SCHIP1: variants seen among roughly 807,000 people sequenced by gnomAD.
The protein encoded by SCHIP1 is schwannomin-interacting protein 1.
A neutral mutation model predicts 29.7 loss-of-function variants in SCHIP1; 8 were observed. The observed-to-expected ratio is 0.27, with a 90% confidence interval of 0.16 to 0.49. The LOEUF (loss-of-function observed/expected upper bound fraction) is 0.49, where lower values mean the gene tolerates loss of function less well. Among genes scored for constraint, SCHIP1 ranks in the 20% least tolerant of loss-of-function variants. The pLI, the probability that SCHIP1 is intolerant of heterozygous loss-of-function variation, is 0.99. For missense variants in SCHIP1, 193 were observed against 294.6 expected, an observed-to-expected ratio of 0.66 and a Z score of 2.52; for synonymous variants, 76 against 94.9, an observed-to-expected ratio of 0.80 and a Z score of 1.16.
chr3:159,677,478 C>T, the SCHIP1 span, among the ~76,000 whole-genome samples: 2 of 152,170 alleles, frequency 1.3e-5, no homozygotes, highest in African/African-American at 4.8e-5. Context: ...TCTTGCACAG[C>T]CATGTTCTGG....
At chr3:159,385,678 A>T in the SCHIP1 span, among the ~76,000 whole-genome samples, 1 of 152,242 alleles carries the variant, frequency 6.6e-6, no homozygotes, top group Non-Finnish European at 1.5e-5. Context: ...TCAAAAATGA[A>T]CACTTTCTTA....
At chr3:159,422,413 T>C in the SCHIP1 span, among the ~76,000 whole-genome samples, 1 of 152,220 alleles carries the variant, frequency 6.6e-6, no homozygotes, top group African/African-American at 2.4e-5. Flanking sequence ...ACTTGAAACC[T>C]AGCTAAACTA....
the SCHIP1 span, among the ~76,000 whole-genome samples, chr3:159,390,809 C>T: frequency 2.6e-5 from 4 of 151,754 alleles, no homozygotes; most frequent in African/African-American, 9.7e-5. Context: ...CTTTGTCATG[C>T]AGCCAATTCA....
the SCHIP1 span, among the ~76,000 whole-genome samples, chr3:159,671,629 G>C: frequency 3.3e-5 from 5 of 152,128 alleles, no homozygotes. Context: ...TTCTGGGCCA[G>C]CCTGTCATTT....
At chr3:159,655,903 A>G in the SCHIP1 span, among the ~76,000 whole-genome samples, 4 of 152,176 alleles carry the variant, frequency 2.6e-5, no homozygotes, top group Admixed American at 6.5e-5. Context: ...GAAAAAAAAT[A>G]AAAGTAAAGA....
chr3:159,518,899 A>G, the SCHIP1 span, among the ~76,000 whole-genome samples: 4 of 152,096 alleles, frequency 2.6e-5, no homozygotes, highest in Admixed American at 6.5e-5. Flanking sequence ...TTCAAATTAG[A>G]TTTTTCCTAG....
At chr3:159,744,834 A>T in the SCHIP1 span, among the ~76,000 whole-genome samples, 2 of 152,120 alleles carry the variant, frequency 1.3e-5, no homozygotes, top group Admixed American at 1.3e-4. Flanking sequence ...AATACAAAAA[A>T]ATTAGCTGGG....
At chr3:159,767,839 C>T in the SCHIP1 span, among the ~76,000 whole-genome samples, 4 of 152,210 alleles carry the variant, frequency 2.6e-5, no homozygotes, top group African/African-American at 9.6e-5. Flanking sequence ...TAGTGCTTGT[C>T]ACTATCTGAC....
the SCHIP1 span, among the ~76,000 whole-genome samples, chr3:159,444,729 A>C: frequency 6.6e-6 from 1 of 152,212 alleles, no homozygotes; most frequent in Non-Finnish European, 1.5e-5. Flanking sequence ...GACAACTTCT[A>C]GATAGGAAGG....
the SCHIP1 span, among the ~76,000 whole-genome samples, chr3:159,773,280 GT>G: frequency 2.6e-5 from 4 of 152,202 alleles, no homozygotes; most frequent in African/African-American, 9.7e-5. Context: ...AGTGTCAATT[GT>G]GAAATTGAGC....
At chr3:159,616,981 A>G in the SCHIP1 span, among the ~76,000 whole-genome samples, 3 of 152,374 alleles carry the variant, frequency 2.0e-5, no homozygotes, top group East Asian at 5.8e-4. Flanking sequence ...ACATGTAGCC[A>G]ATGGGTACTC....
chr3:159,507,260 A>G, the SCHIP1 span, among the ~76,000 whole-genome samples: 3 of 150,740 alleles, frequency 2.0e-5, no homozygotes, highest in African/African-American at 7.3e-5. Flanking sequence ...ATGATTTGGC[A>G]TTCTGTTTGT....
At chr3:159,464,214 A>G in the SCHIP1 span, among the ~76,000 whole-genome samples, 7 of 152,090 alleles carry the variant, frequency 4.6e-5, no homozygotes, top group Admixed American at 1.3e-4. Flanking sequence ...CTCGTTTCCT[A>G]CTCACAGCCT....
the SCHIP1 span, among the ~76,000 whole-genome samples, chr3:159,540,189 G>C: frequency 1.3e-5 from 2 of 152,014 alleles, no homozygotes; most frequent in African/African-American, 2.4e-5. Context: ...AAGAGGGAAA[G>C]AGGCCCACCT....
chr3:159,507,539 T>A, the SCHIP1 span, among the ~76,000 whole-genome samples: 1 of 152,186 alleles, frequency 6.6e-6, no homozygotes, highest in African/African-American at 2.4e-5. Context: ...ATCCCTGTCT[T>A]GTGCCAGTTT....
At chr3:159,676,920 C>T in the SCHIP1 span, among the ~76,000 whole-genome samples, 3 of 152,110 alleles carry the variant, frequency 2.0e-5, no homozygotes, top group Admixed American at 2.0e-4. Flanking sequence ...ATTTAGTAAA[C>T]AATTATTACG....
chr3:159,347,889 C>T, the SCHIP1 span, among the ~76,000 whole-genome samples: 2 of 152,194 alleles, frequency 1.3e-5, no homozygotes, highest in Non-Finnish European at 2.9e-5. Flanking sequence ...TCATTTTATT[C>T]ACAATCCTGG....
At chr3:159,600,541 T>C in the SCHIP1 span, among the ~76,000 whole-genome samples, 4 of 152,226 alleles carry the variant, frequency 2.6e-5, no homozygotes, top group African/African-American at 9.6e-5. Flanking sequence ...AACTCTGGTT[T>C]ATTTAACAAA....
the SCHIP1 span, chr3:159,375,899 T>C: frequency 4.1e-6 from 1 of 245,354 alleles, no homozygotes; most frequent in African/African-American, 2.3e-5. Context: ...GGTCTTTATC[T>C]AAAAATGTGC....
Sources: allele counts gnomAD v4.1 joint callset (sites outside exome capture counted in the v4.1 genomes callset), GRCh38; gene constraint gnomAD v4.1.1; transcripts MANE v1.5; gene names NCBI Gene and HGNC (gene_info 2026-07-23, HGNC 2026-07-21).